Variants in VWCE observed in about 807,000 individuals in gnomAD.
VWCE encodes von Willebrand factor C and EGF domains.
VWCE carries 68 observed loss-of-function variants against 102.9 expected under a neutral mutation model. That is an observed-to-expected ratio of 0.66 (90% CI 0.54 to 0.81). The LOEUF (loss-of-function observed/expected upper bound fraction) is 0.81. Ranked by LOEUF, VWCE falls within the 30% of genes least tolerant of loss-of-function variation. The pLI is 0.00. For synonymous variants in VWCE, 497 were observed against 515.4 expected (o/e 0.96, Z 0.48); for missense variants, 1,137 against 1,263.6 (o/e 0.90, Z 1.52).
chr11:61,288,904 A>G (rs1456026333), intron 4 of VWCE, among the ~76,000 whole-genome samples: 1 of 150,604 alleles, frequency 6.6e-6, no homozygotes, highest in Non-Finnish European at 1.5e-5. Flanking sequence ...AGTGGCGCGA[A>G]CTTGGCTCAC....
At position 61,274,586 on chromosome 11, in the gene VWCE, T is replaced by C; in HGVS notation, c.1496-2A>G. 2 of 1,613,512 alleles carry C rather than the reference T, an allele frequency of 1.2e-6. No homozygotes were observed. Among genetic ancestry groups the C allele is most frequent in the Non-Finnish European group, 1.7e-6 (2 of 1,179,770 alleles). On this transcript the variant is annotated splice_acceptor_variant, in intron 11 of 19. Transcript: ENST00000335613. LOFTEE classifies it high-confidence loss of function. ...ACCGGCCGTGGAAATAGCATCTCAC[T>C]GCAGAGGAGAAAGGGAGAAGCAACT...
chr11:61,281,319 A>C, intron 7 of VWCE, 84 bp from the exon 8 acceptor site: 8 of 1,502,032 alleles, frequency 5.3e-6, no homozygotes, highest in Admixed American at 3.7e-5. Context: ...CGGCTCCACC[A>C]CCACAAGTCC....
chr11:61,283,847 C>T (rs1184438721), intron 5 of VWCE, among the ~76,000 whole-genome samples: 1 of 152,182 alleles, frequency 6.6e-6, no homozygotes, highest in African/African-American at 2.4e-5. Context: ...TTCAGTGGAA[C>T]CTCCTCTGTA....
rs1399260214 is a variant in VWCE at position 61,280,933 on chromosome 11, C to T, written c.1090G>A (p.Val364Met). ...CTGGGTGAGGAAGGGGTCCCCATCACCTCCCCCTGAAGGAGTGAGGGGGGT... is the reference window on the plus strand; with the variant it reads ...CTGGGTGAGGAAGGGGTCCCCATCATCTCCCCCTGAAGGAGTGAGGGGGGT... ...LRPPSLLQGEVMGTPSSPRGP... is the reference protein window; with the variant it reads ...LRPPSLLQGEMMGTPSSPRGP... Residue 364 changes from valine to methionine, a missense_variant, in exon 8 of 20, where the codon GTG (valine) becomes ATG (methionine). Physicochemically the swap from Val to Met is conservative, Grantham distance 21 (BLOSUM62 1). This residue lies in a region of VWCE where 575 missense variants were observed against 625.9 expected (regional missense o/e 0.92). Coordinates refer to ENST00000335613, the MANE Select transcript of VWCE (RefSeq NM_152718.2). 3.3e-6 allele frequency: 5 copies of T among 1,528,298 alleles called. No homozygotes were observed. The highest frequency in any genetic ancestry group is 4.4e-6 in the Non-Finnish European group (5 of 1,140,198). The allele number at this position is 1,528,298 out of a possible 1,614,324, so 94.7% of individuals were successfully genotyped here. A position where few individuals can be genotyped will look rare whatever the true frequency, so the allele number is the denominator to read the frequency against.
intron 10 of VWCE, among the ~76,000 whole-genome samples, chr11:61,276,972 G>A (rs1392784782): frequency 8.3e-6 from 1 of 120,072 alleles, no homozygotes; most frequent in Non-Finnish European, 1.7e-5. Flanking sequence ...GGGAAGGGCA[G>A]GAGAGGAGAG....
At chr11:61,262,182 G>T (rs1854380993) in intron 19 of VWCE, among the ~76,000 whole-genome samples, 1 of 152,112 alleles carries the variant, frequency 6.6e-6, no homozygotes, top group Admixed American at 6.5e-5. Context: ...TCAAACTCCT[G>T]GCCTCAGGCG....
intron 11 of VWCE, among the ~76,000 whole-genome samples, chr11:61,276,043 C>T (rs1008619204): frequency 2.6e-5 from 4 of 152,202 alleles, no homozygotes; most frequent in African/African-American, 7.2e-5. Flanking sequence ...AAAGCAATCT[C>T]CTCCCTCACT....
chr11:61,294,795 G>T lies in VWCE; in HGVS notation c.110+133C>A. 1.9e-6 allele frequency: 1 copy of T among 523,132 alleles called. No individual in the cohort carries two copies. Among genetic ancestry groups the T allele is most frequent in the East Asian group, 3.5e-5 (1 of 28,246 alleles). 32.4% of individuals were successfully genotyped at this position (523,132 alleles called of 1,614,324 possible). On this transcript the variant is annotated intron_variant, in intron 1 of 19. Coordinates refer to ENST00000335613, the MANE Select transcript of VWCE (RefSeq NM_152718.2). The surrounding 1 kb of genome is among the most constrained non-coding windows in gnomAD (Gnocchi z 6.3). ...TTTGTGCCGTCCCCGAGCTGTGCCC[G>T]CGCTGATAGCACCCCAGAGGAAGCC...
At chr11:61,267,334 G>C (rs1000865539) in intron 16 of VWCE, 128 bp downstream of exon 16, 1 of 938,088 alleles carries the variant, frequency 1.1e-6, no homozygotes, top group African/African-American at 1.6e-5. Flanking sequence ...GGAGGGAGCT[G>C]ACTTCCACCA....
At chr11:61,292,275 G>T (rs1425755436) in intron 1 of VWCE, among the ~76,000 whole-genome samples, 1 of 151,658 alleles carries the variant, frequency 6.6e-6, no homozygotes, top group African/African-American at 2.4e-5. Context: ...ACACACACTG[G>T]GCTTCCTCTC....
rs1855313539 is a variant in VWCE, at chr11:61,286,179, T to G, written c.541+135A>C. ...GTCAGACAGGAACCATAATAGCATC[T>G]CCCTCCGAAGCCGGTGGTGAAGGTT... is the stretch of plus-strand genomic sequence containing the variant. On this transcript the variant is annotated intron_variant, in intron 5 of 19. Transcript: ENST00000335613. The G allele has an allele frequency of 7.6e-5, 66 of 863,014 alleles. No individual in the cohort carries two copies. In the South Asian group the frequency reaches 9.3e-4, roughly 12 times the overall value. The allele number at this position is 863,014 out of a possible 1,614,324, so 53.5% of individuals were successfully genotyped here.
chr11:61,268,812 T>C, intron 15 of VWCE, 110 bp downstream of exon 15: 1 of 1,073,356 alleles, frequency 9.3e-7, no homozygotes, highest in Non-Finnish European at 1.4e-6. Context: ...GCAATGGGGT[T>C]GTCCCTTGGG....
chr11:61,280,955 G>A lies in VWCE; in HGVS notation c.1068C>T (p.Pro356=), dbSNP rs769398940. 40 of 1,532,784 alleles carry A rather than the reference G, an allele frequency of 2.6e-5. No individual in the cohort carries two copies. The highest frequency in any genetic ancestry group is 3.2e-5 in the Non-Finnish European group (37 of 1,142,210). The allele number at this position is 1,532,784 out of a possible 1,614,324, so 94.9% of individuals were successfully genotyped here. Reference sequence around the variant, plus strand: ...TCACCTCCCCCTGAAGGAGTGAGGGGGGTCTGAGGTTCCCCAGCAGGGAGG... The same window carrying A: ...TCACCTCCCCCTGAAGGAGTGAGGGAGGTCTGAGGTTCCCCAGCAGGGAGG... The part of the protein sequence containing the change: ...PTASLLGNLR[P]PSLLQGEVMG... The change falls in exon 8 of 20, where the codon CCC becomes CCT. Residue 356 remains proline, a synonymous_variant. Coordinates refer to ENST00000335613, the MANE Select transcript of VWCE (RefSeq NM_152718.2).
rs951061635 is a variant in VWCE, at chr11:61,263,806, G to A, written c.2230+681C>T. The stretch of plus-strand genomic sequence containing the variant: ...GGGGTGTAGACACATGAGGTGTCCC[G>A]GCACACCGTGGGTGCTCAACACATA... On this transcript the variant is annotated intron_variant, in intron 19 of 19. Transcript: ENST00000335613. Among the ~76,000 whole-genome samples, 9 of 152,056 alleles carry A rather than the reference G, an allele frequency of 5.9e-5. No homozygotes were observed. In the South Asian group the frequency reaches 8.3e-4, roughly 14 times the overall value.
At position 61,295,012 on chromosome 11, in the gene VWCE, GC is replaced by G. The variant is rs1401873928; in HGVS notation, c.25del (p.Ala9ProfsTer123). On this transcript the variant is annotated frameshift_variant, in exon 1 of 20. Coordinates refer to ENST00000335613, the MANE Select transcript of VWCE (RefSeq NM_152718.2). LOFTEE classifies it high-confidence loss of function. This position sits in a 1 kb window ranked among gnomAD's most constrained non-coding sequence, Gnocchi z 4.6. Reference sequence around the variant, plus strand: ...CGGCAGCAGGAGCGCGACACAGGCGGCCCGAAGGAGCAGTCCGGCCCACATG... The same window carrying G: ...CGGCAGCAGGAGCGCGACACAGGCGGCCGAAGGAGCAGTCCGGCCCACATG... MWAGLLLR[A>X]ACVALLLPGA... is the part of the protein sequence containing the mutation. 2 of 1,468,654 alleles carry G rather than the reference GC, an allele frequency of 1.4e-6. No individual in the cohort carries two copies. Among genetic ancestry groups the G allele is most frequent in the Non-Finnish European group, 9.0e-7 (1 of 1,110,970 alleles). The allele number at this position is 1,468,654 out of a possible 1,614,324, so 91.0% of individuals were successfully genotyped here.
chr11:61,260,529 C>A (rs2134724887), intron 19 of VWCE, among the ~76,000 whole-genome samples: 1 of 152,240 alleles, frequency 6.6e-6, no homozygotes, highest in African/African-American at 2.4e-5. Flanking sequence ...AACTCCTGAG[C>A]TCAAGTGATC....
intron 13 of VWCE, 144 bp downstream of exon 13, chr11:61,273,055 C>T: frequency 1.3e-6 from 1 of 779,786 alleles, no homozygotes. Context: ...TACACAAAAA[C>T]TCACACTCAT....
intron 16 of VWCE, among the ~76,000 whole-genome samples, chr11:61,266,885 C>CTCCA (rs909364405): frequency 1.8e-4 from 28 of 152,202 alleles, no homozygotes; most frequent in African/African-American, 6.8e-4. Flanking sequence ...TGCGTTTCAC[C>CTCCA]TCCACCCTCA....
intron 11 of VWCE, among the ~76,000 whole-genome samples, chr11:61,276,201 A>G (rs991338265): frequency 6.8e-6 from 1 of 147,300 alleles, no homozygotes; most frequent in African/African-American, 2.5e-5. Context: ...TGAGGTCAGG[A>G]GTTCAAGACC....
Sources: gnomAD v4.1 joint callset for allele counts (sites outside exome capture counted in the v4.1 genomes callset) on GRCh38, gnomAD v4.1.1 for gene constraint, gnomAD v4.1.1 regional missense constraint, Gnocchi (gnomAD v3.1) non-coding constraint, MANE v1.5 for transcripts, NCBI Gene and HGNC (gene_info 2026-07-23, HGNC 2026-07-21) for gene names.